TBC1D1: variants seen among roughly 807,000 people sequenced by gnomAD.
TBC1D1 encodes the protein TBC1 (tre-2/USP6, BUB2, cdc16) domain family, member 1.
In TBC1D1, 89 loss-of-function variants were observed where a neutral mutation model predicts 125.6. The observed-to-expected ratio is 0.71, with a 90% confidence interval of 0.60 to 0.85. The LOEUF is 0.85. TBC1D1 is among the 40% of genes least tolerant of loss of function. The probability of loss-of-function intolerance (pLI) is 0.00; values close to 1 mark genes in which losing one functional copy is unlikely to be tolerated. For synonymous variants in TBC1D1, 565 were observed against 564.1 expected (o/e 1.00, Z -0.02); for missense variants, 1,377 against 1,469.2 (o/e 0.94, Z 1.03).
intron 2 of TBC1D1, among the ~76,000 whole-genome samples, chr4:37,989,425 A>G (rs907802808): frequency 6.6e-6 from 1 of 152,130 alleles, no homozygotes; most frequent in Non-Finnish European, 1.5e-5. Context: ...ATATTGATTG[A>G]TGTCTTATGT....
intron 2 of TBC1D1, among the ~76,000 whole-genome samples, chr4:37,926,422 C>T (rs1264610692): frequency 2.6e-5 from 4 of 152,190 alleles, no homozygotes; most frequent in South Asian, 2.1e-4. Context: ...CTTGCTCCAT[C>T]GCTTGGTCAG....
In TBC1D1 at chr4:38,044,343, T is replaced by C. The variant is rs200195917; in HGVS notation, c.1414-19T>C. The C allele has an allele frequency of 6.9e-6, 11 of 1,590,188 alleles. No homozygotes were observed. Among genetic ancestry groups the C allele is most frequent in the Admixed American group, 3.8e-5 (2 of 52,302 alleles). On this transcript the variant is annotated intron_variant, in intron 8 of 19. Coordinates refer to ENST00000261439, the MANE Select transcript of TBC1D1 (RefSeq NM_015173.4). ...AGAGAAGGGAGCGATAAATGACTTT[T>C]CGTTTTTCACTTTTTTAGACATCGC... is the stretch of plus-strand genomic sequence containing the variant.
intron 6 of TBC1D1, among the ~76,000 whole-genome samples, chr4:38,026,080 T>TAAAA (rs35440185): frequency 6.7e-6 from 1 of 148,374 alleles, no homozygotes; most frequent in African/African-American, 2.5e-5. Context: ...TGAGATTACT[T>TAAAA]AAAAAAAAAA....
intron 1 of TBC1D1, among the ~76,000 whole-genome samples, chr4:37,900,399 G>T (rs1343470308): frequency 9.7e-6 from 1 of 103,506 alleles, no homozygotes; most frequent in Non-Finnish European, 2.0e-5. Flanking sequence ...TGAAATCAAA[G>T]GAAATATCTT....
At position 38,138,237 on chromosome 4, in the gene TBC1D1, C is replaced by T. The variant is rs549166465; in HGVS notation, c.*902C>T. 6.6e-6 allele frequency: 1 copy of T among 152,234 alleles called. No homozygotes were observed. Among genetic ancestry groups the T allele is most frequent in the South Asian group, 2.1e-4 (1 of 4,814 alleles). 9.4% of individuals were successfully genotyped at this position (152,234 alleles called of 1,614,324 possible). A position where few individuals can be genotyped will look rare whatever the true frequency, so the allele number is the denominator to read the frequency against. On this transcript the variant is annotated 3_prime_UTR_variant, in exon 20 of 20. Transcript: ENST00000261439. ...TATGGGACAGCTGACACCTTTTAGACCCTACCAGGTATTGCTAGCATGTGA... is the reference window on the plus strand; with the variant it reads ...TATGGGACAGCTGACACCTTTTAGATCCTACCAGGTATTGCTAGCATGTGA...
At chr4:37,975,528 C>T (rs891305773) in intron 2 of TBC1D1, among the ~76,000 whole-genome samples, 7 of 152,290 alleles carry the variant, frequency 4.6e-5, no homozygotes, top group African/African-American at 7.2e-5. Context: ...CTCCCATTCC[C>T]GGTCTGCTAA....
At chr4:38,129,251 A>G (rs1765173124) in intron 18 of TBC1D1, among the ~76,000 whole-genome samples, 1 of 152,216 alleles carries the variant, frequency 6.6e-6, no homozygotes, top group Non-Finnish European at 1.5e-5. Context: ...TCCTGTATTC[A>G]GAAGACACAC....
rs191911780 is a variant in TBC1D1, at chr4:37,945,256, G to A, written c.417+42744G>A. 8.2e-4 allele frequency among the ~76,000 whole-genome samples: 124 copies of A among 152,112 alleles called. 1 individual carries two copies. The highest frequency in any genetic ancestry group is 2.9e-3 in the African/African-American group (120 of 41,494). On this transcript the variant is annotated intron_variant, in intron 2 of 19. Transcript: ENST00000261439. ...AGGCTGGGTGTGGTGGCTCATGCCT[G>A]TAATCTCAGCACTTCGGGAGGCTGA...
At chr4:38,064,472 G>T (rs892582449) in intron 12 of TBC1D1, among the ~76,000 whole-genome samples, 1 of 152,162 alleles carries the variant, frequency 6.6e-6, no homozygotes, top group African/African-American at 2.4e-5. Flanking sequence ...TGCCTAGGCT[G>T]AAACGGAGGC....
chr4:37,965,948 T>G (rs573484633), intron 2 of TBC1D1, among the ~76,000 whole-genome samples: 1 of 152,074 alleles, frequency 6.6e-6, no homozygotes, highest in East Asian at 1.9e-4. Context: ...GCTTTTACCA[T>G]GTTGGCCAGG....
intron 12 of TBC1D1, among the ~76,000 whole-genome samples, chr4:38,063,363 T>A (rs1364724038): frequency 6.6e-6 from 1 of 152,122 alleles, no homozygotes; most frequent in African/African-American, 2.4e-5. Flanking sequence ...TGGGGGCCTA[T>A]TTGCCTCATC....
At chr4:37,893,644 C>A (rs535258094) in intron 1 of TBC1D1, among the ~76,000 whole-genome samples, 16 of 151,930 alleles carry the variant, frequency 1.1e-4, no homozygotes, top group African/African-American at 3.4e-4. Context: ...CATGGCAAAA[C>A]CCTGTCTCTA....
chr4:38,051,193 C>T (rs1034706846), intron 11 of TBC1D1, among the ~76,000 whole-genome samples: 3 of 152,226 alleles, frequency 2.0e-5, no homozygotes, highest in African/African-American at 7.2e-5. Flanking sequence ...TTCCTTTCTC[C>T]ATGAAGAATG....
chr4:37,927,496 C>T (rs1722369639), intron 2 of TBC1D1, among the ~76,000 whole-genome samples: 1 of 152,170 alleles, frequency 6.6e-6, no homozygotes, highest in Non-Finnish European at 1.5e-5. Flanking sequence ...GAGCCAAGAT[C>T]CCAAGATCCA....
At chr4:37,937,198 C>T (rs767526273) in intron 2 of TBC1D1, among the ~76,000 whole-genome samples, 4 of 152,184 alleles carry the variant, frequency 2.6e-5, no homozygotes, top group Non-Finnish European at 4.4e-5. Flanking sequence ...TCCTTCGAGA[C>T]TGAGAGTCCC....
intron 1 of TBC1D1, among the ~76,000 whole-genome samples, chr4:37,892,855 G>A (rs1713651253): frequency 6.6e-6 from 1 of 152,170 alleles, no homozygotes; most frequent in South Asian, 2.1e-4. Context: ...AACAGAGCTT[G>A]CCCCTTCTTC....
chr4:37,964,589 T>C (rs567388414), intron 2 of TBC1D1, among the ~76,000 whole-genome samples: 3 of 152,214 alleles, frequency 2.0e-5, no homozygotes, highest in Admixed American at 6.5e-5. Flanking sequence ...TCCTGCTTTG[T>C]CCTGGGTTCA....
intron 15 of TBC1D1, among the ~76,000 whole-genome samples, chr4:38,104,787 G>A (rs999298257): frequency 6.1e-5 from 9 of 148,336 alleles, no homozygotes; most frequent in South Asian, 2.1e-4. Context: ...ACGGTGTCTC[G>A]CTCTGTCGCC....
intron 2 of TBC1D1, among the ~76,000 whole-genome samples, chr4:37,954,311 T>C (rs1269637272): frequency 6.6e-6 from 1 of 152,114 alleles, no homozygotes; most frequent in African/African-American, 2.4e-5. Context: ...CCTATGGTAC[T>C]GAACATGTTG....
Sources: allele counts gnomAD v4.1 joint callset (sites outside exome capture counted in the v4.1 genomes callset), GRCh38; gene constraint gnomAD v4.1.1; transcripts MANE v1.5; gene names NCBI Gene and HGNC (gene_info 2026-07-23, HGNC 2026-07-21).